Variants in SKP2 observed in about 807,000 individuals in gnomAD.
SKP2 encodes the protein S-phase kinase associated protein 2.
A neutral mutation model predicts 51.8 loss-of-function variants in SKP2; 16 were observed. The observed-to-expected ratio is 0.31, with a 90% confidence interval of 0.21 to 0.47. SKP2 has a LOEUF of 0.47. SKP2 is among the 20% of genes least tolerant of loss of function. The pLI, the probability that SKP2 is intolerant of heterozygous loss-of-function variation, is 1.00. For missense variants in SKP2, 377 were observed against 505.3 expected (o/e 0.75, Z 2.43); for synonymous variants, 176 against 198.6 (o/e 0.89, Z 0.96).
At chr5:36,164,869 A>G (rs1275054560) in intron 3 of SKP2, among the ~76,000 whole-genome samples, 1 of 152,242 alleles carries the variant, frequency 6.6e-6, no homozygotes, top group African/African-American at 2.4e-5. Flanking sequence ...GGCTGCTATC[A>G]TTAACATATT....
At chr5:36,164,486 T>G (rs2111971089) in intron 3 of SKP2, among the ~76,000 whole-genome samples, 1 of 152,342 alleles carries the variant, frequency 6.6e-6, no homozygotes, top group Middle Eastern at 3.4e-3. Context: ...TCTTCATGCC[T>G]TCTCATCCCT....
At chr5:36,179,583 A>G (rs578127473) in intron 9 of SKP2, among the ~76,000 whole-genome samples, 6 of 152,270 alleles carry the variant, frequency 3.9e-5, no homozygotes, top group African/African-American at 1.4e-4. Context: ...GGAGGTAGTA[A>G]ACTAATCTAA....
chr5:36,165,171 GTGA>G (rs1430875632), intron 3 of SKP2, among the ~76,000 whole-genome samples: 1 of 152,184 alleles, frequency 6.6e-6, no homozygotes, highest in Non-Finnish European at 1.5e-5. Flanking sequence ...ATGATTTTAA[GTGA>G]TGGTGTTTGT....
intron 3 of SKP2, among the ~76,000 whole-genome samples, chr5:36,166,008 A>G (rs1393849909): frequency 6.6e-6 from 1 of 152,198 alleles, no homozygotes; most frequent in African/African-American, 2.4e-5. Flanking sequence ...CTGAACCATG[A>G]CTGTTGCTAT....
At chr5:36,180,005 C>A (rs367753375) in intron 9 of SKP2, among the ~76,000 whole-genome samples, 7 of 151,346 alleles carry the variant, frequency 4.6e-5, no homozygotes, top group Admixed American at 1.3e-4. Flanking sequence ...TCTTATATAA[C>A]CCCCTTATAT....
intron 3 of SKP2, among the ~76,000 whole-genome samples, chr5:36,164,913 A>G (rs1193571570): frequency 6.6e-6 from 1 of 152,168 alleles, no homozygotes; most frequent in Non-Finnish European, 1.5e-5. Context: ...TTTTTGTGGC[A>G]AAAGCACCTA....
chr5:36,155,374 C>A (rs939018967), intron 2 of SKP2, among the ~76,000 whole-genome samples: 1 of 152,150 alleles, frequency 6.6e-6, no homozygotes, highest in Non-Finnish European at 1.5e-5. Context: ...AATCCTCATT[C>A]TTGCGTTTAT....
chr5:36,164,663 G>T (rs1745230227), intron 3 of SKP2, among the ~76,000 whole-genome samples: 3 of 152,148 alleles, frequency 2.0e-5, no homozygotes, highest in Admixed American at 2.0e-4. Flanking sequence ...CGCAGAGAGG[G>T]TTGCACACCT....
chr5:36,159,476 GC>G (rs1745057350), intron 2 of SKP2, among the ~76,000 whole-genome samples: 1 of 152,104 alleles, frequency 6.6e-6, no homozygotes, highest in African/African-American at 2.4e-5. Context: ...GCCCCTTGAA[GC>G]CCCCCATTCC....
chr5:36,184,522 T>C (rs1745921594), downstream of SKP2, among the ~76,000 whole-genome samples: 1 of 152,210 alleles, frequency 6.6e-6, no homozygotes, highest in African/African-American at 2.4e-5. Flanking sequence ...TTTGGTTTTT[T>C]TGTCCTTACG....
At chr5:36,186,546 A>T (rs189179976), downstream of SKP2, among the ~76,000 whole-genome samples, 7 of 152,298 alleles carry the variant, frequency 4.6e-5, no homozygotes, top group Admixed American at 4.6e-4. Flanking sequence ...GCTGGATTAC[A>T]TTTATTGATT....
In SKP2 at chr5:36,182,554, T is replaced by C. The variant is rs973150763; in HGVS notation, c.*523T>C. ...TAGGAATAGGAAAGAGAAAAATGTA[T>C]TTGAATTTTGCCTTTAGATTTGAAA... On this transcript the variant is annotated 3_prime_UTR_variant, in exon 10 of 10. Transcript: ENST00000274255. The C allele has an allele frequency of 7.1e-6, 7 of 984,790 alleles. No individual in the cohort carries two copies. The highest frequency in any genetic ancestry group is 5.2e-4 in the Middle Eastern group (1 of 1,936). 61.0% of individuals were successfully genotyped at this position (984,790 alleles called of 1,614,324 possible). A position where few individuals can be genotyped will look rare whatever the true frequency, so the allele number is the denominator to read the frequency against.
intron 3 of SKP2, 76 bp from the exon 4 acceptor site, chr5:36,166,443 C>T (rs1745290929): frequency 7.8e-7 from 1 of 1,281,556 alleles, no homozygotes; most frequent in African/African-American, 1.5e-5. Context: ...AGTGTCCTAC[C>T]TGTTAGTAAT....
chr5:36,184,209 T>C lies in SKP2; in HGVS notation c.*2178T>C, dbSNP rs1745908067. ...CATCTACTTCATATGCTTGTCACAT[T>C]AAAAAAAAAAGTTTATAATGCCTTT... On this transcript the variant is annotated 3_prime_UTR_variant, in exon 10 of 10. Coordinates refer to ENST00000274255, the MANE Select transcript of SKP2 (RefSeq NM_005983.4). The C allele has an allele frequency of 3.0e-6, 1 of 336,486 alleles. No individual in the cohort carries two copies. Among genetic ancestry groups the C allele is most frequent in the Non-Finnish European group, 5.3e-6 (1 of 188,518 alleles). The allele number at this position is 336,486 out of a possible 1,614,324, so 20.8% of individuals were successfully genotyped here. A position where few individuals can be genotyped will look rare whatever the true frequency, so the allele number is the denominator to read the frequency against.
intron 6 of SKP2, among the ~76,000 whole-genome samples, chr5:36,190,617 A>C (rs1746000078): frequency 6.9e-6 from 1 of 145,656 alleles, no homozygotes; most frequent in Admixed American, 7.2e-5. Context: ...CTTGAATATC[A>C]CCCAATTGTG....
At chr5:36,159,409 G>A (rs1745054543) in intron 2 of SKP2, among the ~76,000 whole-genome samples, 1 of 152,168 alleles carries the variant, frequency 6.6e-6, no homozygotes, top group South Asian at 2.1e-4. Flanking sequence ...GTACTTCATA[G>A]CAAGCTTTTC....
In SKP2 at chr5:36,168,548, A is replaced by G. The variant is rs1043714558; in HGVS notation, c.671+101A>G. The G allele has an allele frequency of 4.5e-6, 5 of 1,109,380 alleles. No homozygotes were observed. In the East Asian group the frequency reaches 7.1e-5, roughly 16 times the overall value. The allele number at this position is 1,109,380 out of a possible 1,614,324, so 68.7% of individuals were successfully genotyped here. On this transcript the variant is annotated intron_variant, in intron 5 of 9. Transcript: ENST00000274255. ...TGCCCTTCTAGCCATATCCAGGTGGATACAGAAAATATCTAGTGCAGTGCT... is the reference window on the plus strand; with the variant it reads ...TGCCCTTCTAGCCATATCCAGGTGGGTACAGAAAATATCTAGTGCAGTGCT...
At chr5:36,187,319 T>C (rs190160050), downstream of SKP2, among the ~76,000 whole-genome samples, 1 of 152,352 alleles carries the variant, frequency 6.6e-6, no homozygotes, top group East Asian at 1.9e-4. Flanking sequence ...TTCTTTCAAT[T>C]GTGATGTTAG....
At chr5:36,166,213 C>G (rs749460138) in intron 3 of SKP2, among the ~76,000 whole-genome samples, 1 of 152,072 alleles carries the variant, frequency 6.6e-6, no homozygotes, top group African/African-American at 2.4e-5. Flanking sequence ...AATTTGTCAA[C>G]TTGAATGCTG....
Sources: allele counts gnomAD v4.1 joint callset (sites outside exome capture counted in the v4.1 genomes callset), GRCh38; gene constraint gnomAD v4.1.1; transcripts MANE v1.5; gene names NCBI Gene and HGNC (gene_info 2026-07-23, HGNC 2026-07-21).